CCSER1: variants seen among roughly 807,000 people sequenced by gnomAD.
The protein encoded by CCSER1 is coiled-coil serine rich protein 1, also known as serine-rich coiled-coil domain-containing protein 1.
Under a neutral mutation model 82.0 loss-of-function variants are expected in CCSER1, and 41 were observed. The observed-to-expected ratio is 0.50, with a 90% CI of 0.39 to 0.65. The LOEUF is 0.65. Ranked by LOEUF, CCSER1 falls within the 30% of genes least tolerant of loss-of-function variation. CCSER1 has a pLI of 0.00. For synonymous variants in CCSER1, 414 were observed against 383.9 expected (o/e 1.08, Z -0.92); for missense variants, 1,119 against 1,064.2 (o/e 1.05, Z -0.72).
At chr4:91,076,705 C>T (rs1258982648) in intron 9 of CCSER1, among the ~76,000 whole-genome samples, 1 of 152,126 alleles carries the variant, frequency 6.6e-6, no homozygotes, top group Non-Finnish European at 1.5e-5. Context: ...TGTCTTCCAG[C>T]TTTCATTGCT....
rs112478986 is a variant in CCSER1 at position 90,838,896 on chromosome 4, C to T, written c.2094+23051C>T. On this transcript the variant is annotated intron_variant, in intron 8 of 10. Transcript: ENST00000509176. ...ATGTACAGTGCATATTGGCGGCGCA[C>T]GCCTCATTACGATTCGCCTGCTTGC... 6.4e-3 allele frequency: 10,307 copies of T among 1,612,978 alleles called. 455 individuals carry two copies. In the African/African-American group the frequency reaches 0.11, roughly 17 times the overall value.
chr4:90,822,874 A>G (rs1436835011), intron 8 of CCSER1, among the ~76,000 whole-genome samples: 1 of 152,210 alleles, frequency 6.6e-6, no homozygotes, highest in Non-Finnish European at 1.5e-5. Flanking sequence ...AACATTATTT[A>G]AACAAAAAAG....
chr4:90,459,107 C>T (rs1339888170), intron 4 of CCSER1, among the ~76,000 whole-genome samples: 5 of 151,956 alleles, frequency 3.3e-5, no homozygotes, highest in South Asian at 2.1e-4. Context: ...TATGTGTGTA[C>T]GTATATATAG....
rs1764797496 is a variant in CCSER1 at position 91,601,076 on chromosome 4, A to C, written c.*2019A>C. 1 of 152,114 alleles carries C rather than the reference A, an allele frequency of 6.6e-6. No homozygotes were observed. Among genetic ancestry groups the C allele is most frequent in the South Asian group, 2.1e-4 (1 of 4,838 alleles). 9.4% of individuals were successfully genotyped at this position (152,114 alleles called of 1,614,324 possible). ...ATCTGTACATAAATAAGCATGATAA[A>C]ATAATCAAGGATTTTTTCCCAGGAT... On this transcript the variant is annotated 3_prime_UTR_variant, in exon 11 of 11. Coordinates refer to ENST00000509176, the MANE Select transcript of CCSER1 (RefSeq NM_001145065.2).
At chr4:90,423,230 A>T (rs550893487) in intron 4 of CCSER1, among the ~76,000 whole-genome samples, 1 of 151,944 alleles carries the variant, frequency 6.6e-6, no homozygotes, top group Non-Finnish European at 1.5e-5. Context: ...TTATTTATTT[A>T]TATTTATTTA....
chr4:90,217,080 T>C (rs1455943207), intron 1 of CCSER1, among the ~76,000 whole-genome samples: 1 of 152,182 alleles, frequency 6.6e-6, no homozygotes, highest in Non-Finnish European at 1.5e-5. Flanking sequence ...TGATTTGACT[T>C]GGATGTTATT....
At chr4:90,324,977 T>C (rs1170290308) in intron 3 of CCSER1, among the ~76,000 whole-genome samples, 1 of 152,210 alleles carries the variant, frequency 6.6e-6, no homozygotes, top group Non-Finnish European at 1.5e-5. Flanking sequence ...GATCAGATAG[T>C]TGTATATACG....
intron 1 of CCSER1, among the ~76,000 whole-genome samples, chr4:90,136,835 A>G (rs115969948): frequency 1.9e-3 from 297 of 152,340 alleles, no homozygotes; most frequent in African/African-American, 6.9e-3. Context: ...TGAGAAAACC[A>G]TGCATATATC....
In CCSER1 at chr4:90,966,525, G is replaced by A. The variant is rs535858834; in HGVS notation, c.2172+43078G>A. On this transcript the variant is annotated intron_variant, in intron 9 of 10. Transcript: ENST00000509176. ...CTTTCAAAAATGAAAGAGAAATTGA[G>A]ATGTTCCCAGATAAACAAAAACTGC... Among the ~76,000 whole-genome samples the A allele has an allele frequency of 3.9e-5, 6 of 152,150 alleles. No homozygotes were observed. In the East Asian group the frequency reaches 5.8e-4, roughly 15 times the overall value.
chr4:91,173,402 G>A (rs1297883756), intron 10 of CCSER1, among the ~76,000 whole-genome samples: 1 of 152,060 alleles, frequency 6.6e-6, no homozygotes, highest in Non-Finnish European at 1.5e-5. Context: ...AGACCATCTT[G>A]GCTAACACGG....
chr4:91,299,454 T>C (rs536408023), intron 10 of CCSER1, among the ~76,000 whole-genome samples: 4 of 152,166 alleles, frequency 2.6e-5, no homozygotes, highest in Admixed American at 1.3e-4. Flanking sequence ...CAAGGACTTA[T>C]CTGTGCATCA....
chr4:90,956,360 G>A (rs1224216202), intron 9 of CCSER1, among the ~76,000 whole-genome samples: 2 of 152,074 alleles, frequency 1.3e-5, no homozygotes, highest in Non-Finnish European at 2.9e-5. Flanking sequence ...AATAGGGCAG[G>A]ATAGCTAAGG....
chr4:91,536,264 G>T (rs1374237483), intron 10 of CCSER1, among the ~76,000 whole-genome samples: 3 of 151,988 alleles, frequency 2.0e-5, no homozygotes, highest in Non-Finnish European at 4.4e-5. Context: ...TTGAATACAA[G>T]AAATATTTAT....
chr4:90,766,736 G>GT (rs960157597), intron 7 of CCSER1, among the ~76,000 whole-genome samples: 68 of 152,062 alleles, frequency 4.5e-4, no homozygotes, highest in African/African-American at 1.5e-3. Flanking sequence ...ATTTAATACA[G>GT]TTTTTTAAAA....
At chr4:91,352,589 G>T (rs746502540) in intron 10 of CCSER1, among the ~76,000 whole-genome samples, 2 of 152,130 alleles carry the variant, frequency 1.3e-5, no homozygotes, top group Non-Finnish European at 2.9e-5. Context: ...TTATACAGGG[G>T]TCATACAATT....
chr4:91,044,302 G>T (rs983183451), intron 9 of CCSER1, among the ~76,000 whole-genome samples: 6 of 152,192 alleles, frequency 3.9e-5, no homozygotes, highest in Non-Finnish European at 7.4e-5. Flanking sequence ...GAAAGCATTT[G>T]AAATCTACTT....
At chr4:90,722,932 A>G (rs2149371308) in intron 6 of CCSER1, among the ~76,000 whole-genome samples, 1 of 152,078 alleles carries the variant, frequency 6.6e-6, no homozygotes. Context: ...TCTTTTGTTG[A>G]AACTTAAGTG....
chr4:90,766,547 G>T (rs901670215), intron 7 of CCSER1, among the ~76,000 whole-genome samples: 1 of 152,134 alleles, frequency 6.6e-6, no homozygotes, highest in African/African-American at 2.4e-5. Context: ...AGGAGGCTGA[G>T]GCAGGAGAAT....
chr4:91,199,725 T>A (rs923975921), intron 10 of CCSER1, among the ~76,000 whole-genome samples: 2 of 152,040 alleles, frequency 1.3e-5, no homozygotes, highest in Non-Finnish European at 2.9e-5. Flanking sequence ...TAAAAATAAA[T>A]GTATTTAATC....
Sources: gnomAD v4.1 joint callset for allele counts (sites outside exome capture counted in the v4.1 genomes callset) on GRCh38, gnomAD v4.1.1 for gene constraint, MANE v1.5 for transcripts, NCBI Gene and HGNC (gene_info 2026-07-23, HGNC 2026-07-21) for gene names.